The following PLCE1 variants were observed in gnomAD, a reference collection of about 807,000 sequenced individuals.
PLCE1 encodes 1-phosphatidylinositol 4,5-bisphosphate phosphodiesterase epsilon-1.
PLCE1 carries 119 observed loss-of-function variants against 242.8 expected under a neutral mutation model. The observed-to-expected ratio is 0.49, with a 90% CI of 0.42 to 0.57. PLCE1 has a LOEUF of 0.57. Among genes scored for constraint, PLCE1 ranks in the 20% least tolerant of loss-of-function variants. The pLI is 0.00. For missense variants in PLCE1, 2,441 were observed against 2,788.8 expected (o/e 0.88, Z 2.81); for synonymous variants, 945 against 1,017.4 (o/e 0.93, Z 1.35).
chr10:94,098,129 T>C (rs1294170668), intron 2 of PLCE1, among the ~76,000 whole-genome samples: 2 of 152,190 alleles, frequency 1.3e-5, no homozygotes, highest in African/African-American at 4.8e-5. Flanking sequence ...AGAGAATGAC[T>C]TTTCATGTCG....
chr10:94,190,791 T>C (rs2048636534), intron 4 of PLCE1, among the ~76,000 whole-genome samples: 2 of 152,240 alleles, frequency 1.3e-5, no homozygotes. Context: ...TAAAGTATGA[T>C]CTTTAAATGG....
At chr10:94,174,261 C>T (rs943075067) in intron 4 of PLCE1, among the ~76,000 whole-genome samples, 5 of 151,870 alleles carry the variant, frequency 3.3e-5, no homozygotes, top group Admixed American at 1.3e-4. Context: ...TAATCCATAC[C>T]GATATAAATA....
At chr10:94,004,264 A>T (rs1437917536) in intron 1 of PLCE1, among the ~76,000 whole-genome samples, 1 of 152,220 alleles carries the variant, frequency 6.6e-6, no homozygotes, top group Non-Finnish European at 1.5e-5. Context: ...TTCTGGACAC[A>T]CAGTATGGAC....
intron 1 of PLCE1, among the ~76,000 whole-genome samples, chr10:94,007,916 G>A (rs1480329711): frequency 6.6e-6 from 1 of 151,116 alleles, no homozygotes; most frequent in Non-Finnish European, 1.5e-5. Flanking sequence ...GGTGGCTTAT[G>A]CTTGTAATCC....
At chr10:94,106,943 T>C (rs867849461) in intron 2 of PLCE1, 28 of 122,536 alleles carry the variant, frequency 2.3e-4, no homozygotes, top group African/African-American at 8.6e-4. Context: ...TCTCTCTCTC[T>C]CCCCCTCCCC....
At chr10:94,057,684 C>T (rs1478382097) in intron 2 of PLCE1, among the ~76,000 whole-genome samples, 1 of 152,288 alleles carries the variant, frequency 6.6e-6, no homozygotes, top group Non-Finnish European at 1.5e-5. Context: ...AGTTCTATTG[C>T]TGCATAACAA....
At chr10:94,251,156 T>C (rs2050860978) in intron 8 of PLCE1, among the ~76,000 whole-genome samples, 1 of 151,908 alleles carries the variant, frequency 6.6e-6, no homozygotes, top group South Asian at 2.1e-4. Context: ...AATCGGGGTA[T>C]GGTTAGAGAA....
At chr10:94,222,356 T>C (rs1374923871) in intron 4 of PLCE1, among the ~76,000 whole-genome samples, 4 of 152,190 alleles carry the variant, frequency 2.6e-5, no homozygotes, top group Non-Finnish European at 4.4e-5. Context: ...CATTCATTCA[T>C]TCATTCATAT....
chr10:93,999,898 G>C (rs984016040), intron 1 of PLCE1, among the ~76,000 whole-genome samples: 5 of 152,188 alleles, frequency 3.3e-5, no homozygotes, highest in African/African-American at 4.8e-5. Context: ...AACTGCCAGT[G>C]GGGGATTATT....
intron 2 of PLCE1, among the ~76,000 whole-genome samples, chr10:94,059,881 C>T (rs1253101327): frequency 2.0e-5 from 3 of 152,188 alleles, no homozygotes; most frequent in Non-Finnish European, 2.9e-5. Context: ...TTGGTGTTCA[C>T]GTCTTGCTTG....
At chr10:94,217,840 A>T (rs1229189315) in intron 4 of PLCE1, among the ~76,000 whole-genome samples, 3 of 152,174 alleles carry the variant, frequency 2.0e-5, no homozygotes, top group African/African-American at 7.2e-5. Context: ...ATAGAAAGAT[A>T]CCCAGAATAA....
intron 16 of PLCE1, 72 bp downstream of exon 16, chr10:94,266,030 A>T: frequency 6.9e-7 from 1 of 1,442,482 alleles, no homozygotes; most frequent in Non-Finnish European, 9.8e-7. Context: ...AAGTCAAAAA[A>T]ACCTGACCCC....
intron 1 of PLCE1, among the ~76,000 whole-genome samples, chr10:94,001,724 AATTC>A (rs2060934663): frequency 6.6e-6 from 1 of 152,178 alleles, no homozygotes; most frequent in Non-Finnish European, 1.5e-5. Context: ...AGAAAGTTTC[AATTC>A]ATTTGTTGTT....
chr10:94,162,596 C>A lies in PLCE1; in HGVS notation c.1493-8584C>A, dbSNP rs1449156176. On this transcript the variant is annotated intron_variant, in intron 3 of 32. Transcript: ENST00000371380. ...AGTCTATCAATTTTGTTGATCTTTT[C>A]AAAAAACCAGCTCCTGGATTCATTG... is the stretch of plus-strand genomic sequence containing the variant. Among the ~76,000 whole-genome samples, 27 of 151,964 alleles carry A rather than the reference C, an allele frequency of 1.8e-4. No homozygotes were observed. In the East Asian group the frequency reaches 5.2e-3, roughly 29 times the overall value.
chr10:94,044,502 A>T (rs1254957376), intron 2 of PLCE1, among the ~76,000 whole-genome samples: 1 of 152,256 alleles, frequency 6.6e-6, no homozygotes, highest in African/African-American at 2.4e-5. Flanking sequence ...AGGTAAAACT[A>T]TATGTTTTGT....
At chr10:94,085,319 A>C (rs1334819621) in intron 2 of PLCE1, among the ~76,000 whole-genome samples, 2 of 152,162 alleles carry the variant, frequency 1.3e-5, no homozygotes, top group Admixed American at 6.5e-5. Flanking sequence ...CCAAAGTCAA[A>C]CAACCAAGAA....
intron 1 of PLCE1, among the ~76,000 whole-genome samples, chr10:94,011,089 A>G (rs917441696): frequency 6.6e-6 from 1 of 152,134 alleles, no homozygotes; most frequent in African/African-American, 2.4e-5. Context: ...GAGGCTGGGT[A>G]ACTTACAAAG....
intron 1 of PLCE1, among the ~76,000 whole-genome samples, chr10:93,998,115 T>C (rs1223437451): frequency 1.3e-5 from 2 of 152,220 alleles, no homozygotes; most frequent in Non-Finnish European, 2.9e-5. Flanking sequence ...TCCTCTTTTC[T>C]TGTGGGAGTT....
intron 3 of PLCE1, among the ~76,000 whole-genome samples, chr10:94,156,764 G>A (rs994575714): frequency 6.6e-6 from 1 of 151,882 alleles, no homozygotes; most frequent in Non-Finnish European, 1.5e-5. Flanking sequence ...CCCAGCCCTC[G>A]TCTTGAAGCT....
Sources: gnomAD v4.1 joint callset for allele counts (sites outside exome capture counted in the v4.1 genomes callset) on GRCh38, gnomAD v4.1.1 for gene constraint, MANE v1.5 for transcripts, NCBI Gene and HGNC (gene_info 2026-07-23, HGNC 2026-07-21) for gene names.